DRC11: variants seen among roughly 807,000 people sequenced by gnomAD.
DRC11 encodes IQ and AAA domain-containing protein 1.
chr2:236,480,563 T>C, the DRC11 span, among the ~76,000 whole-genome samples: 6 of 152,200 alleles, frequency 3.9e-5, no homozygotes. Flanking sequence ...AGTTCCAGGA[T>C]TTGATTTTTA....
At chr2:236,325,247 C>T in the DRC11 span, among the ~76,000 whole-genome samples, 1 of 152,146 alleles carries the variant, frequency 6.6e-6, no homozygotes, top group African/African-American at 2.4e-5. The surrounding 1 kb of genome is among the most constrained non-coding windows in gnomAD (Gnocchi z 4.4). Flanking sequence ...TTGTAACTGG[C>T]CCCACAATGG....
chr2:236,374,941 T>C, the DRC11 span, among the ~76,000 whole-genome samples: 10 of 150,908 alleles, frequency 6.6e-5, no homozygotes, highest in African/African-American at 2.4e-4. Context: ...CCTCAGGTGA[T>C]CCGTCCACCT....
the DRC11 span, chr2:236,407,696 T>G: frequency 1.1e-5 from 3 of 264,610 alleles, no homozygotes; most frequent in African/African-American, 4.5e-5. Flanking sequence ...TCACCTCTGC[T>G]GCATCATTTC....
At chr2:236,317,904 TGAA>T in the DRC11 span, among the ~76,000 whole-genome samples, 1 of 152,270 alleles carries the variant, frequency 6.6e-6, no homozygotes, top group South Asian at 2.1e-4. This position sits in a 1 kb window ranked among gnomAD's most constrained non-coding sequence, Gnocchi z 5.4. Context: ...CTTTTATTGA[TGAA>T]GAAATAAATA....
the DRC11 span, among the ~76,000 whole-genome samples, chr2:236,436,327 A>AT: frequency 4.1e-4 from 62 of 151,806 alleles, no homozygotes; most frequent in African/African-American, 7.0e-4. Flanking sequence ...TTCATTTGTG[A>AT]TTTTTTTTGG....
At chr2:236,465,856 C>T in the DRC11 span, 1 of 622,466 alleles carries the variant, frequency 1.6e-6, no homozygotes, top group Non-Finnish European at 2.9e-6. The surrounding 1 kb of genome is among the most constrained non-coding windows in gnomAD (Gnocchi z 6.2). Flanking sequence ...GGAAGCAAAG[C>T]TAACTGAGTG....
the DRC11 span, among the ~76,000 whole-genome samples, chr2:236,364,589 G>A: frequency 6.9e-6 from 1 of 145,812 alleles, no homozygotes; most frequent in Non-Finnish European, 1.6e-5. Context: ...TCATTCAGAG[G>A]TTCATGCCGT....
At chr2:236,343,401 G>A in the DRC11 span, among the ~76,000 whole-genome samples, 6 of 152,316 alleles carry the variant, frequency 3.9e-5, no homozygotes, top group South Asian at 4.2e-4. This position sits in a 1 kb window ranked among gnomAD's most constrained non-coding sequence, Gnocchi z 6.6. Flanking sequence ...GAGGCCGTGC[G>A]GGCTGAAATG....
chr2:236,423,971 T>G, the DRC11 span, among the ~76,000 whole-genome samples: 1 of 147,756 alleles, frequency 6.8e-6, no homozygotes, highest in African/African-American at 2.5e-5. Flanking sequence ...AAACACCGCA[T>G]GTTCTCACTC....
At chr2:236,358,498 A>G in the DRC11 span, among the ~76,000 whole-genome samples, 69 of 144,554 alleles carry the variant, frequency 4.8e-4, 1 homozygote, top group Non-Finnish European at 2.6e-4. Context: ...TGAACATGCA[A>G]TAAACATTTC....
the DRC11 span, among the ~76,000 whole-genome samples, chr2:236,503,042 A>C: frequency 6.6e-6 from 1 of 152,262 alleles, no homozygotes; most frequent in Non-Finnish European, 1.5e-5. This position sits in a 1 kb window ranked among gnomAD's most constrained non-coding sequence, Gnocchi z 4.9. Flanking sequence ...GTAACAATAG[A>C]CTAAAGACTA....
the DRC11 span, among the ~76,000 whole-genome samples, chr2:236,358,068 ATATATT>A: frequency 2.5e-5 from 3 of 120,522 alleles, no homozygotes. Flanking sequence ...TTATATGAAT[ATATATT>A]TATAATATAT....
the DRC11 span, among the ~76,000 whole-genome samples, chr2:236,407,689 C>T: frequency 2.6e-5 from 4 of 152,130 alleles, no homozygotes; most frequent in Admixed American, 2.6e-4. Flanking sequence ...CTTCTCCTCA[C>T]CTCTGCTGCA....
chr2:236,500,050 C>G, the DRC11 span, among the ~76,000 whole-genome samples: 1 of 151,822 alleles, frequency 6.6e-6, no homozygotes, highest in South Asian at 2.1e-4. The surrounding 1 kb of genome is among the most constrained non-coding windows in gnomAD (Gnocchi z 6.3). Flanking sequence ...AAGGTAAAAG[C>G]GTATCTTGAT....
At chr2:236,399,747 G>C in the DRC11 span, among the ~76,000 whole-genome samples, 1 of 152,162 alleles carries the variant, frequency 6.6e-6, no homozygotes, top group Non-Finnish European at 1.5e-5. The surrounding 1 kb of genome is among the most constrained non-coding windows in gnomAD (Gnocchi z 7.0). Flanking sequence ...CATGCCCCGA[G>C]TTTGATCCTG....
chr2:236,491,031 G>GTA, the DRC11 span, among the ~76,000 whole-genome samples: 22 of 133,638 alleles, frequency 1.6e-4, no homozygotes, highest in African/African-American at 2.4e-4. Context: ...ATATATGTGT[G>GTA]TATATATATA....
chr2:236,424,259 C>T, the DRC11 span, among the ~76,000 whole-genome samples: 5 of 152,160 alleles, frequency 3.3e-5, no homozygotes, highest in East Asian at 7.7e-4. Context: ...TAATTATGAG[C>T]AGCTGAAAAG....
the DRC11 span, among the ~76,000 whole-genome samples, chr2:236,394,713 C>T: frequency 0.071 from 10,739 of 152,160 alleles, 602 homozygotes; most frequent in African/African-American, 0.14. This position sits in a 1 kb window ranked among gnomAD's most constrained non-coding sequence, Gnocchi z 7.0. Flanking sequence ...CTGCCACACA[C>T]GGCAGAGGCA....
the DRC11 span, among the ~76,000 whole-genome samples, chr2:236,403,695 T>A: frequency 6.6e-6 from 1 of 152,210 alleles, no homozygotes; most frequent in African/African-American, 2.4e-5. Context: ...TTCCTAACTT[T>A]GTGGCCTTAT....
Sources: allele counts gnomAD v4.1 joint callset (sites outside exome capture counted in the v4.1 genomes callset), GRCh38; gene constraint gnomAD v4.1.1; non-coding constraint Gnocchi (gnomAD v3.1); transcripts MANE v1.5; gene names NCBI Gene and HGNC (gene_info 2026-07-23, HGNC 2026-07-21).